The following PLXNA4 variants were observed in gnomAD, a reference collection of about 807,000 sequenced individuals.
The protein encoded by PLXNA4 is plexin-A4.
PLXNA4 carries 44 observed loss-of-function variants against 191.8 expected under a neutral mutation model. The observed-to-expected ratio is 0.23, with a 90% CI of 0.18 to 0.29. The LOEUF (loss-of-function observed/expected upper bound fraction) is 0.29. Ranked by LOEUF, PLXNA4 falls within the 10% of genes least tolerant of loss-of-function variation. The pLI is 1.00. For missense variants in PLXNA4, 1,800 were observed against 2,488.8 expected (o/e 0.72, Z 5.89); for synonymous variants, 1,082 against 1,009.5 (o/e 1.07, Z -1.36).
At chr7:132,155,944 AC>A (rs1795778394) in intron 25 of PLXNA4, among the ~76,000 whole-genome samples, 1 of 152,144 alleles carries the variant, frequency 6.6e-6, no homozygotes, top group East Asian at 1.9e-4. Context: ...CCTGACTGGA[AC>A]AAAAGACTGA....
At chr7:132,305,361 A>AACACACACACACACACACAC (rs57158164) in intron 3 of PLXNA4, among the ~76,000 whole-genome samples, 9 of 131,176 alleles carry the variant, frequency 6.9e-5, no homozygotes, top group South Asian at 3.0e-4. Flanking sequence ...GCTTACCAAG[A>AACACACACACACACACACAC]ACACACACAC....
At chr7:132,496,206 C>T (rs1260432258) in intron 2 of PLXNA4, among the ~76,000 whole-genome samples, 1 of 152,072 alleles carries the variant, frequency 6.6e-6, no homozygotes, top group Non-Finnish European at 1.5e-5. Context: ...CAGTATTCTG[C>T]CCCTCTTTCA....
rs1037534475 is a variant in PLXNA4, at chr7:132,507,511, T to C, written c.1183A>G (p.Ser395Gly). Residue 395 changes from serine to glycine, a missense_variant, in exon 2 of 32, where the codon AGT (serine) becomes GGT (glycine). Ser to Gly is a moderately conservative substitution (Grantham distance 56). Transcript: ENST00000321063. Reference sequence around the variant, plus strand: ...GCAGCCCTCCCTGTACTCACCGCACTGCTGCAGGGGATGTCCTTCACCTTG... The same window carrying C: ...GCAGCCCTCCCTGTACTCACCGCACCGCTGCAGGGGATGTCCTTCACCTTG... Reference protein sequence around the residue: ...WLKVKDIPCSSALLTIDDNFC... With the variant: ...WLKVKDIPCSGALLTIDDNFC... 8 of 1,609,754 alleles carry C rather than the reference T, an allele frequency of 5.0e-6. No individual in the cohort carries two copies. The highest frequency in any genetic ancestry group is 1.7e-4 in the Middle Eastern group (1 of 6,058).
At chr7:132,457,928 G>A (rs1399014629) in intron 3 of PLXNA4, among the ~76,000 whole-genome samples, 1 of 152,178 alleles carries the variant, frequency 6.6e-6, no homozygotes, top group Non-Finnish European at 1.5e-5. Flanking sequence ...GTGGCCTTGT[G>A]CGCACCTTGG....
At chr7:132,248,917 C>G (rs749179994) in intron 4 of PLXNA4, among the ~76,000 whole-genome samples, 3 of 152,150 alleles carry the variant, frequency 2.0e-5, no homozygotes, top group Non-Finnish European at 4.4e-5. Flanking sequence ...TTGAGCTTTG[C>G]AATTCCTCCT....
chr7:132,387,597 T>C (rs2116973444), intron 3 of PLXNA4, among the ~76,000 whole-genome samples: 1 of 152,284 alleles, frequency 6.6e-6, no homozygotes, highest in Middle Eastern at 3.4e-3. Context: ...CGGCACTCAC[T>C]TGCCAGATCC....
intron 3 of PLXNA4, among the ~76,000 whole-genome samples, chr7:132,439,896 T>C (rs1449014797): frequency 2.6e-5 from 4 of 152,148 alleles, no homozygotes; most frequent in African/African-American, 9.7e-5. Flanking sequence ...GAATGAGCAG[T>C]GTGGCACTTT....
chr7:132,500,492 A>C (rs1373124733), intron 2 of PLXNA4, among the ~76,000 whole-genome samples: 4 of 152,044 alleles, frequency 2.6e-5, no homozygotes, highest in African/African-American at 9.7e-5. Context: ...GGGAAGGGGA[A>C]GGGGAAATAA....
intron 3 of PLXNA4, among the ~76,000 whole-genome samples, chr7:132,305,570 T>C (rs945986038): frequency 6.6e-6 from 1 of 152,202 alleles, no homozygotes; most frequent in African/African-American, 2.4e-5. Flanking sequence ...GTCTCCGCAC[T>C]GCCAGACAGA....
intron 2 of PLXNA4, among the ~76,000 whole-genome samples, chr7:132,627,492 G>A (rs1803402978): frequency 6.6e-6 from 1 of 152,070 alleles, no homozygotes; most frequent in Non-Finnish European, 1.5e-5. Context: ...TATTTGCTTA[G>A]TTTTTATGTA....
At chr7:132,525,248 T>C (rs1430771090) in intron 1 of PLXNA4, among the ~76,000 whole-genome samples, 3 of 152,126 alleles carry the variant, frequency 2.0e-5, no homozygotes, top group Non-Finnish European at 2.9e-5. Context: ...GACAACATGG[T>C]GTCTTTTTGT....
At chr7:132,267,096 C>T (rs1010571512) in intron 4 of PLXNA4, among the ~76,000 whole-genome samples, 6 of 152,270 alleles carry the variant, frequency 3.9e-5, no homozygotes, top group Middle Eastern at 3.4e-3. Context: ...GAATACATAA[C>T]CACCCAAGTA....
At chr7:132,511,235 T>G (rs577100824) in intron 1 of PLXNA4, among the ~76,000 whole-genome samples, 1 of 152,196 alleles carries the variant, frequency 6.6e-6, no homozygotes, top group African/African-American at 2.4e-5. Context: ...TACTTTCACA[T>G]AGCTTGGCTC....
chr7:132,152,661 C>T (rs1795679532), intron 25 of PLXNA4, among the ~76,000 whole-genome samples: 1 of 152,206 alleles, frequency 6.6e-6, no homozygotes, highest in Non-Finnish European at 1.5e-5. Flanking sequence ...GTAGCTCAGC[C>T]AATGGCCAGC....
Position 132,307,248 on chromosome 7 carries a change from C to T in PLXNA4, c.1372-9026G>A, listed in dbSNP as rs546088786. On this transcript the variant is annotated intron_variant, in intron 3 of 31. Coordinates refer to ENST00000321063, the MANE Select transcript of PLXNA4 (RefSeq NM_020911.2). ...TTTTGTTTTTTAAAAGTATTCCCTC[C>T]TGCCTCTCCCCTGGATTTCCAATCC... 9.9e-5 allele frequency among the ~76,000 whole-genome samples: 15 copies of T among 152,274 alleles called. No homozygotes were observed. The South Asian group carries it at 1.2e-3, about 13-fold the overall frequency.
chr7:132,295,816 C>G (rs569277707), intron 4 of PLXNA4, among the ~76,000 whole-genome samples: 1 of 152,188 alleles, frequency 6.6e-6, no homozygotes, highest in African/African-American at 2.4e-5. Flanking sequence ...AGAGTCTCTC[C>G]ATTTAACAAG....
chr7:132,251,167 GTTC>G (rs1481556038), intron 4 of PLXNA4, among the ~76,000 whole-genome samples: 1 of 150,818 alleles, frequency 6.6e-6, no homozygotes, highest in Non-Finnish European at 1.5e-5. Flanking sequence ...TGTCAAGCAA[GTTC>G]TTCATCAGCT....
At chr7:132,550,380 CA>C (rs951922868) in intron 1 of PLXNA4, among the ~76,000 whole-genome samples, 1 of 152,014 alleles carries the variant, frequency 6.6e-6, no homozygotes, top group South Asian at 2.1e-4. Context: ...CTTGATCCAT[CA>C]AAAAAAGTTG....
intron 3 of PLXNA4, among the ~76,000 whole-genome samples, chr7:132,468,086 C>T (rs1796779122): frequency 6.6e-6 from 1 of 152,130 alleles, no homozygotes; most frequent in Non-Finnish European, 1.5e-5. Flanking sequence ...GAATAAACCC[C>T]CCAGTCCTTA....
Sources: gnomAD v4.1 joint callset for allele counts (sites outside exome capture counted in the v4.1 genomes callset) on GRCh38, gnomAD v4.1.1 for gene constraint, MANE v1.5 for transcripts, NCBI Gene and HGNC (gene_info 2026-07-23, HGNC 2026-07-21) for gene names.